ANKRD44: variants seen among roughly 807,000 people sequenced by gnomAD.
ANKRD44 encodes serine/threonine-protein phosphatase 6 regulatory ankyrin repeat subunit B.
A neutral mutation model predicts 116.0 loss-of-function variants in ANKRD44; 35 were observed. That is an observed-to-expected ratio of 0.30 (90% confidence interval 0.23 to 0.40). ANKRD44 has a LOEUF of 0.40. Ranked by LOEUF, ANKRD44 falls within the 10% of genes least tolerant of loss-of-function variation. ANKRD44 has a pLI of 1.00. For synonymous variants in ANKRD44, 435 were observed against 461.8 expected, an observed-to-expected ratio of 0.94 and a Z score of 0.74; for missense variants, 1,014 against 1,242.6, an observed-to-expected ratio of 0.82 and a Z score of 2.77.
intron 9 of ANKRD44, among the ~76,000 whole-genome samples, chr2:197,105,266 A>G (rs1402142169): frequency 1.3e-5 from 2 of 152,056 alleles, no homozygotes; most frequent in African/African-American, 4.8e-5. Flanking sequence ...AGCACATGCC[A>G]TCATGCTCAG....
intron 1 of ANKRD44, among the ~76,000 whole-genome samples, chr2:197,264,426 G>A (rs900739945): frequency 3.3e-5 from 5 of 152,122 alleles, no homozygotes; most frequent in Admixed American, 6.5e-5. Flanking sequence ...CATTCCTTAC[G>A]CAGAAAGCAT....
intron 1 of ANKRD44, among the ~76,000 whole-genome samples, chr2:197,242,453 A>G (rs1380744936): frequency 6.6e-6 from 1 of 152,218 alleles, no homozygotes; most frequent in Non-Finnish European, 1.5e-5. Flanking sequence ...GTTTCTCAAA[A>G]GAGACAGGAG....
intron 10 of ANKRD44, among the ~76,000 whole-genome samples, chr2:197,093,578 ATTGGCAT>A (rs994134746): frequency 6.6e-6 from 1 of 152,238 alleles, no homozygotes; most frequent in Admixed American, 6.5e-5. Flanking sequence ...CTCAAATACT[ATTGGCAT>A]TTGCGCTTGC....
At chr2:197,043,300 A>G (rs908452867) in intron 16 of ANKRD44, among the ~76,000 whole-genome samples, 9 of 152,206 alleles carry the variant, frequency 5.9e-5, no homozygotes, top group African/African-American at 2.2e-4. Context: ...ATAGAAATCT[A>G]TACTTGTAAA....
In ANKRD44 at chr2:197,008,967, G is replaced by A. The variant is rs752248123; in HGVS notation, c.1989C>T (p.Val663=). 5 of 1,614,048 alleles carry A rather than the reference G, an allele frequency of 3.1e-6. No homozygotes were observed. The highest frequency in any genetic ancestry group is 4.2e-6 in the Non-Finnish European group (5 of 1,179,980). Residue 663 remains valine, a synonymous_variant, in exon 19 of 28, where the codon GTC becomes GTT. Transcript: ENST00000282272. ...LLEIADNPEA[V]DVKDAKGQTP... is the part of the protein sequence containing the mutation. ...ACTGTCCTTTGGCATCTTTCACATC[G>A]ACCGCCTCCGGGTTGTCTGCAATTT... is the stretch of plus-strand genomic sequence containing the variant.
chr2:197,015,847 TGTG>T, intron 17 of ANKRD44: 5 of 512,684 alleles, frequency 9.8e-6, no homozygotes, highest in South Asian at 1.7e-5. Context: ...TGGTGGTACC[TGTG>T]GTGGTGGTGG....
At chr2:197,076,499 G>C (rs1435282359) in intron 16 of ANKRD44, among the ~76,000 whole-genome samples, 1 of 152,002 alleles carries the variant, frequency 6.6e-6, no homozygotes, top group Admixed American at 6.6e-5. Context: ...TACTTGTTTT[G>C]GGGTTTTTAA....
At chr2:197,176,035 G>A (rs2080356945) in intron 2 of ANKRD44, among the ~76,000 whole-genome samples, 1 of 152,122 alleles carries the variant, frequency 6.6e-6, no homozygotes, top group African/African-American at 2.4e-5. Context: ...CCCTTCTTCT[G>A]CCTTCTTCCT....
intron 1 of ANKRD44, among the ~76,000 whole-genome samples, chr2:197,281,856 G>A (rs186695805): frequency 1.3e-5 from 2 of 152,254 alleles, no homozygotes; most frequent in East Asian, 1.9e-4. Context: ...TTTAAATCTT[G>A]TTTAAATCCA....
downstream of ANKRD44, among the ~76,000 whole-genome samples, chr2:196,981,836 T>C (rs886253222): frequency 2.6e-5 from 4 of 151,846 alleles, no homozygotes; most frequent in Admixed American, 2.6e-4. Context: ...GCCAAATCCA[T>C]TGGTCAACTT....
intron 4 of ANKRD44, among the ~76,000 whole-genome samples, chr2:197,126,834 C>T (rs2078985843): frequency 1.2e-5 from 1 of 85,364 alleles, no homozygotes; most frequent in South Asian, 5.4e-4. Flanking sequence ...ACTTTTGCAC[C>T]AACCGGGAGT....
intron 24 of ANKRD44, 95 bp downstream of exon 24, chr2:196,998,812 C>G: frequency 2.0e-6 from 3 of 1,510,998 alleles, no homozygotes; most frequent in Non-Finnish European, 2.7e-6. Flanking sequence ...CCCTTTTCCA[C>G]GTGTATATAC....
chr2:197,188,231 G>A (rs2080734272), intron 1 of ANKRD44, among the ~76,000 whole-genome samples: 1 of 152,172 alleles, frequency 6.6e-6, no homozygotes, highest in Admixed American at 6.5e-5. Flanking sequence ...TCTATATAGT[G>A]TGATGGAAAC....
intron 4 of ANKRD44, among the ~76,000 whole-genome samples, chr2:197,131,164 T>C (rs2079085267): frequency 6.6e-6 from 1 of 151,948 alleles, no homozygotes; most frequent in Non-Finnish European, 1.5e-5. Context: ...AGAAAGTCCT[T>C]AGCATACTGC....
intron 1 of ANKRD44, among the ~76,000 whole-genome samples, chr2:197,199,623 G>A (rs1430249889): frequency 1.3e-5 from 2 of 151,912 alleles, no homozygotes; most frequent in African/African-American, 4.8e-5. Flanking sequence ...CACTTTTTTT[G>A]AGATGGGGGT....
At chr2:197,280,027 C>T (rs562706074) in intron 1 of ANKRD44, among the ~76,000 whole-genome samples, 2 of 152,336 alleles carry the variant, frequency 1.3e-5, no homozygotes, top group Admixed American at 6.5e-5. Context: ...TGAGACACTT[C>T]TGCCTTTAAA....
chr2:197,044,305 A>G (rs2076962456), intron 16 of ANKRD44, among the ~76,000 whole-genome samples: 1 of 152,212 alleles, frequency 6.6e-6, no homozygotes, highest in Admixed American at 6.5e-5. Flanking sequence ...TTCCAGTTTT[A>G]AAGTATAACC....
chr2:197,037,256 A>C (rs1478399312), intron 16 of ANKRD44, among the ~76,000 whole-genome samples: 1 of 152,276 alleles, frequency 6.6e-6, no homozygotes, highest in Non-Finnish European at 1.5e-5. Flanking sequence ...TTTCTATTGA[A>C]AAGTGAAATG....
Position 197,080,751 on chromosome 2 carries a change from C to T in ANKRD44, c.1538+894G>A, listed in dbSNP as rs745764270. ...CACAACAGTCTGGGCATGGGAGGAG[C>T]ACAGTGGAAAACCCTGGAGTAGACA... On this transcript the variant is annotated intron_variant, in intron 15 of 27. Transcript: ENST00000282272. Among the ~76,000 whole-genome samples, 17 of 152,216 alleles carry T rather than the reference C, an allele frequency of 1.1e-4. No individual in the cohort carries two copies. The South Asian group carries it at 1.2e-3, about 11-fold the overall frequency.
Sources: gnomAD v4.1 joint callset for allele counts (sites outside exome capture counted in the v4.1 genomes callset) on GRCh38, gnomAD v4.1.1 for gene constraint, MANE v1.5 for transcripts, NCBI Gene and HGNC (gene_info 2026-07-23, HGNC 2026-07-21) for gene names.